Variants in PHACTR1 observed in about 807,000 individuals in gnomAD.
The protein encoded by PHACTR1 is RPEL repeat containing 1.
Under a neutral mutation model 69.2 loss-of-function variants are expected in PHACTR1, and 16 were observed. That is an observed-to-expected ratio of 0.23 (90% confidence interval 0.16 to 0.35). The LOEUF (loss-of-function observed/expected upper bound fraction) is 0.35, where lower values mean the gene tolerates loss of function less well. Among genes scored for constraint, PHACTR1 ranks in the 10% least tolerant of loss-of-function variants. PHACTR1 has a pLI of 1.00. For synonymous variants in PHACTR1, 312 were observed against 284.5 expected, an observed-to-expected ratio of 1.10 and a Z score of -0.97; for missense variants, 510 against 734.7, an observed-to-expected ratio of 0.69 and a Z score of 3.54.
chr6:13,199,860 A>G (rs993539176), intron 7 of PHACTR1, among the ~76,000 whole-genome samples: 1 of 152,204 alleles, frequency 6.6e-6, no homozygotes, highest in Non-Finnish European at 1.5e-5. Flanking sequence ...TTTTTATAAA[A>G]CTCAATTGGA....
At chr6:12,938,481 G>A (rs9395240) in intron 4 of PHACTR1, among the ~76,000 whole-genome samples, 21,854 of 152,010 alleles carry the variant, frequency 0.14, 3,335 homozygotes, top group African/African-American at 0.39. Context: ...ACAATAACAC[G>A]GCATGGCCCC....
In PHACTR1 at chr6:13,283,076, C is replaced by G. The variant is rs143371828; in HGVS notation, c.1510-346C>G. ...AGTCAAGAGTTGATTATTGTTGAAG[C>G]TGGTGATAATACACCAAATTCATTA... is the stretch of plus-strand genomic sequence containing the variant. On this transcript the variant is annotated intron_variant, in intron 12 of 14. Coordinates refer to ENST00000332995, the MANE Select transcript of PHACTR1 (RefSeq NM_030948.6). This position sits in a 1 kb window ranked among gnomAD's most constrained non-coding sequence, Gnocchi z 4.7. 3.2e-4 allele frequency among the ~76,000 whole-genome samples: 48 copies of G among 152,170 alleles called. No individual in the cohort carries two copies. The highest frequency in any genetic ancestry group is 1.1e-3 in the African/African-American group (45 of 41,504).
intron 4 of PHACTR1, among the ~76,000 whole-genome samples, chr6:13,026,123 A>G (rs1801662114): frequency 6.6e-6 from 1 of 152,244 alleles, no homozygotes; most frequent in Admixed American, 6.5e-5. Context: ...CTTTGAAAAT[A>G]TCATAGCCTA....
chr6:13,018,851 C>T (rs1015806543), intron 4 of PHACTR1, among the ~76,000 whole-genome samples: 1 of 151,856 alleles, frequency 6.6e-6, no homozygotes, highest in Non-Finnish European at 1.5e-5. Context: ...GCGATGTGAC[C>T]AACTCATCTA....
chr6:12,767,909 T>A (rs887018952), intron 4 of PHACTR1, among the ~76,000 whole-genome samples: 1 of 152,170 alleles, frequency 6.6e-6, no homozygotes, highest in Non-Finnish European at 1.5e-5. Context: ...CAAGCAGAAA[T>A]TTTTAGTGGT....
chr6:12,738,669 C>A (rs995320929), intron 3 of PHACTR1, among the ~76,000 whole-genome samples: 1 of 152,132 alleles, frequency 6.6e-6, no homozygotes, highest in Non-Finnish European at 1.5e-5. Context: ...TGGAGACCAG[C>A]CTGGCCAACA....
chr6:13,235,088 G>A (rs915185670), intron 10 of PHACTR1, among the ~76,000 whole-genome samples: 5 of 152,116 alleles, frequency 3.3e-5, no homozygotes, highest in South Asian at 4.1e-4. Context: ...GCTTAGATTC[G>A]TATTGATGAA....
intron 4 of PHACTR1, among the ~76,000 whole-genome samples, chr6:12,887,492 A>G (rs1035696362): frequency 4.6e-5 from 7 of 151,914 alleles, no homozygotes; most frequent in African/African-American, 1.5e-4. Flanking sequence ...CCTGTCACTG[A>G]CCCTTATCAT....
chr6:13,113,913 T>C (rs1475735118), intron 5 of PHACTR1, among the ~76,000 whole-genome samples: 1 of 152,160 alleles, frequency 6.6e-6, no homozygotes, highest in Non-Finnish European at 1.5e-5. Flanking sequence ...AACCTGCAAG[T>C]ATCAAAAACC....
At chr6:13,134,453 ATTC>A (rs1821197691) in intron 5 of PHACTR1, among the ~76,000 whole-genome samples, 1 of 152,198 alleles carries the variant, frequency 6.6e-6, no homozygotes, top group African/African-American at 2.4e-5. Context: ...ACTAAGAAAA[ATTC>A]TTCTGCCTTG....
intron 4 of PHACTR1, among the ~76,000 whole-genome samples, chr6:12,750,650 A>G (rs1358153981): frequency 6.6e-6 from 1 of 152,154 alleles, no homozygotes; most frequent in Non-Finnish European, 1.5e-5. Context: ...ACTGAAGGTT[A>G]CTCAATGAGT....
At chr6:12,863,270 A>C (rs1035314865) in intron 4 of PHACTR1, among the ~76,000 whole-genome samples, 2 of 152,222 alleles carry the variant, frequency 1.3e-5, no homozygotes, top group African/African-American at 4.8e-5. Context: ...TCAAGGTGCT[A>C]GCCCCCTTGA....
chr6:13,171,805 TGCCCAGGCTGTAATGCA>T (rs1760662538), intron 6 of PHACTR1, among the ~76,000 whole-genome samples: 2 of 152,264 alleles, frequency 1.3e-5, no homozygotes, highest in South Asian at 4.1e-4. Flanking sequence ...TCACTCTTGT[TGCCCAGGCTGTAATGCA>T]ATGGCGCAAT....
At chr6:13,121,119 G>C (rs1258271738) in intron 5 of PHACTR1, among the ~76,000 whole-genome samples, 1 of 152,230 alleles carries the variant, frequency 6.6e-6, no homozygotes, top group Non-Finnish European at 1.5e-5. Context: ...GTGGTCTGCA[G>C]AAGGAACTTT....
intron 5 of PHACTR1, among the ~76,000 whole-genome samples, chr6:13,147,762 G>C (rs1823632340): frequency 6.6e-6 from 1 of 152,168 alleles, no homozygotes; most frequent in African/African-American, 2.4e-5. Context: ...ATAGTACAAA[G>C]AAGCAGAGTT....
chr6:12,762,883 A>C (rs988793501), intron 4 of PHACTR1, among the ~76,000 whole-genome samples: 2 of 152,218 alleles, frequency 1.3e-5, no homozygotes, highest in Non-Finnish European at 2.9e-5. Context: ...CTTGACTGCC[A>C]AAATCTGAGT....
Position 13,287,098 on chromosome 6 carries a change from T to C in PHACTR1, c.*20T>C. 2 of 1,597,424 alleles carry C rather than the reference T, an allele frequency of 1.3e-6. No homozygotes were observed. The highest frequency in any genetic ancestry group is 1.1e-5 in the South Asian group (1 of 88,574). ...CCTTAACAGTCGAATTCCTCTTGAGTGCTATGCTGTCTTCAAAACATAAAT... is the reference window on the plus strand; with the variant it reads ...CCTTAACAGTCGAATTCCTCTTGAGCGCTATGCTGTCTTCAAAACATAAAT... On this transcript the variant is annotated 3_prime_UTR_variant, in exon 15 of 15. Coordinates refer to ENST00000332995, the MANE Select transcript of PHACTR1 (RefSeq NM_030948.6).
At chr6:13,098,336 G>GT (rs1313653569) in intron 5 of PHACTR1, among the ~76,000 whole-genome samples, 2 of 152,082 alleles carry the variant, frequency 1.3e-5, no homozygotes, top group East Asian at 3.9e-4. Context: ...GTGCCTTCCT[G>GT]TTTTTCCTTC....
At chr6:12,864,564 C>T (rs745457788) in intron 4 of PHACTR1, among the ~76,000 whole-genome samples, 1 of 151,958 alleles carries the variant, frequency 6.6e-6, no homozygotes, top group Non-Finnish European at 1.5e-5. Flanking sequence ...CCTGTAGTCC[C>T]AGCTACTCGG....
Sources: gnomAD v4.1 joint callset for allele counts (sites outside exome capture counted in the v4.1 genomes callset) on GRCh38, gnomAD v4.1.1 for gene constraint, Gnocchi (gnomAD v3.1) non-coding constraint, MANE v1.5 for transcripts, NCBI Gene and HGNC (gene_info 2026-07-23, HGNC 2026-07-21) for gene names.